Variants in RASSF8 observed in about 807,000 individuals in gnomAD.
The protein encoded by RASSF8 is Ras association domain family member 8.
Under a neutral mutation model 48.5 loss-of-function variants are expected in RASSF8, and 22 were observed. The observed-to-expected ratio is 0.45, with a 90% CI of 0.32 to 0.65. The LOEUF (loss-of-function observed/expected upper bound fraction) is 0.65. Among genes scored for constraint, RASSF8 ranks in the 30% least tolerant of loss-of-function variants. The pLI is 0.03. For missense variants in RASSF8, 418 were observed against 489.2 expected (o/e 0.85, Z 1.37); for synonymous variants, 127 against 171.5 (o/e 0.74, Z 2.03).
chr12:26,001,225 A>G (rs908092207), intron 2 of RASSF8, among the ~76,000 whole-genome samples: 2 of 150,014 alleles, frequency 1.3e-5, no homozygotes, highest in African/African-American at 4.9e-5. Context: ...TGTAGAAACA[A>G]GGTCTCACTA....
chr12:26,061,770 A>G (rs1055907241), intron 3 of RASSF8, among the ~76,000 whole-genome samples: 2 of 152,186 alleles, frequency 1.3e-5, no homozygotes, highest in East Asian at 1.9e-4. Context: ...TTTAATTCCT[A>G]TATAAAATAT....
At chr12:26,079,068 G>A in exon 6 of RASSF8, 1 of 1,544,974 alleles carries the variant, frequency 6.5e-7, no homozygotes, top group Non-Finnish European at 8.7e-7. Flanking sequence ...GGAGTGTAAA[G>A]ATTAGATATC....
intron 2 of RASSF8, among the ~76,000 whole-genome samples, chr12:26,026,546 C>T (rs1942917790): frequency 6.6e-6 from 1 of 152,104 alleles, no homozygotes; most frequent in Non-Finnish European, 1.5e-5. Context: ...AGTGACTTTC[C>T]TGCCTCAGCC....
At chr12:25,960,721 G>A (rs1156879603) in intron 1 of RASSF8, among the ~76,000 whole-genome samples, 1 of 152,090 alleles carries the variant, frequency 6.6e-6, no homozygotes, top group Non-Finnish European at 1.5e-5. Context: ...GACACAATTG[G>A]CAGTAATGCA....
intron 3 of RASSF8, 81 bp downstream of exon 3, chr12:26,055,527 T>C: frequency 8.2e-7 from 1 of 1,215,292 alleles, no homozygotes; most frequent in Non-Finnish European, 1.2e-6. Flanking sequence ...TATAGATTTC[T>C]AGGGGATTTT....
At chr12:25,976,787 G>A (rs756579574) in intron 1 of RASSF8, among the ~76,000 whole-genome samples, 9 of 152,082 alleles carry the variant, frequency 5.9e-5, no homozygotes, top group Admixed American at 3.9e-4. Context: ...TTGGAGTCAC[G>A]ACCCTCTACC....
intron 3 of RASSF8, among the ~76,000 whole-genome samples, chr12:26,061,952 A>G (rs2137282698): frequency 6.6e-6 from 1 of 152,324 alleles, no homozygotes; most frequent in East Asian, 1.9e-4. Flanking sequence ...CTTCCAAGAC[A>G]TTCTCAGAGG....
intron 1 of RASSF8, among the ~76,000 whole-genome samples, chr12:25,982,602 A>C (rs1359253027): frequency 2.0e-5 from 3 of 152,228 alleles, no homozygotes; most frequent in African/African-American, 7.2e-5. Flanking sequence ...AATCAGAGAG[A>C]TAAGGGGAAC....
At position 25,990,184 on chromosome 12, in the gene RASSF8, AAAG is replaced by A. The variant is rs10548345; in HGVS notation, c.-202-4852_-202-4850del. The stretch of plus-strand genomic sequence containing the variant: ...GGAATATTGATAAATTAATGTGAAA[AAAG>A]TAAAAAAAATTACAGCCATATATAA... On this transcript the variant is annotated intron_variant, in intron 1 of 5. Coordinates refer to ENST00000689635, the MANE Select transcript of RASSF8 (RefSeq NM_001394098.1). Among the ~76,000 whole-genome samples the A allele has an allele frequency of 7.0e-3, 1,070 of 152,326 alleles. 17 individuals carry two copies. Among genetic ancestry groups the A allele is most frequent in the African/African-American group, 0.025 (1,024 of 41,566 alleles).
chr12:26,055,851 A>AG (rs1943590701), intron 3 of RASSF8, among the ~76,000 whole-genome samples: 1 of 152,236 alleles, frequency 6.6e-6, no homozygotes, highest in Non-Finnish European at 1.5e-5. Context: ...AACAAATGAA[A>AG]TAACATCGTT....
chr12:25,980,335 T>C (rs1941710959), intron 1 of RASSF8, among the ~76,000 whole-genome samples: 1 of 152,202 alleles, frequency 6.6e-6, no homozygotes, highest in East Asian at 1.9e-4. Flanking sequence ...AAATGCCATA[T>C]ATACAACAAA....
At chr12:26,074,744 ATACT>A (rs1286560320), downstream of RASSF8, among the ~76,000 whole-genome samples, 11 of 152,034 alleles carry the variant, frequency 7.2e-5, no homozygotes, top group African/African-American at 1.9e-4. Flanking sequence ...ACATTAGGAG[ATACT>A]TACCCCAACC....
rs1346905963 is a variant in RASSF8, at chr12:26,069,370, G to T, written c.*552G>T. 2.0e-6 allele frequency: 2 copies of T among 984,900 alleles called. No individual in the cohort carries two copies. Among genetic ancestry groups the T allele is most frequent in the East Asian group, 2.3e-4 (2 of 8,820 alleles). The allele number at this position is 984,900 out of a possible 1,614,324, so 61.0% of individuals were successfully genotyped here. A position where few individuals can be genotyped will look rare whatever the true frequency, so the allele number is the denominator to read the frequency against. ...AAGCTAACTCCACAGGAAGCCACTT[G>T]CATTTGTTTTGTGAAACTGTCCTAG... On this transcript the variant is annotated 3_prime_UTR_variant, in exon 6 of 6. Coordinates refer to ENST00000689635, the MANE Select transcript of RASSF8 (RefSeq NM_001394098.1).
chr12:25,974,412 A>C (rs1941556214), intron 1 of RASSF8, among the ~76,000 whole-genome samples: 1 of 152,128 alleles, frequency 6.6e-6, no homozygotes. Context: ...GTTTTTCCAA[A>C]GGTATTTATC....
chr12:25,984,197 A>C (rs991782973), intron 1 of RASSF8, among the ~76,000 whole-genome samples: 6 of 147,356 alleles, frequency 4.1e-5, no homozygotes, highest in Non-Finnish European at 8.9e-5. Context: ...AGTAGCTGGG[A>C]CTACAGATGT....
chr12:26,073,761 ACAC>A (rs1944041713), downstream of RASSF8, among the ~76,000 whole-genome samples: 1 of 136,074 alleles, frequency 7.3e-6, no homozygotes, highest in Non-Finnish European at 1.6e-5. Context: ...ACACACACAC[ACAC>A]ACACACACAC....
At chr12:25,978,328 A>G (rs1414110486) in intron 1 of RASSF8, among the ~76,000 whole-genome samples, 2 of 152,182 alleles carry the variant, frequency 1.3e-5, no homozygotes, top group African/African-American at 4.8e-5. Context: ...TGGAAGTGAG[A>G]CTGGCCAGCT....
chr12:26,072,934 A>G, downstream of RASSF8: 1 of 638,404 alleles, frequency 1.6e-6, no homozygotes, highest in Non-Finnish European at 1.9e-6. Context: ...TTCCTTTAAA[A>G]GATACCAAAG....
At chr12:25,958,434 C>T (rs1028486979), upstream of RASSF8, 1 of 151,710 alleles carries the variant, frequency 6.6e-6, no homozygotes, top group Admixed American at 6.6e-5. Flanking sequence ...CTCCCCGCCG[C>T]TTTAAAAGCT....
Sources: allele counts gnomAD v4.1 joint callset (sites outside exome capture counted in the v4.1 genomes callset), GRCh38; gene constraint gnomAD v4.1.1; transcripts MANE v1.5; gene names NCBI Gene and HGNC (gene_info 2026-07-23, HGNC 2026-07-21).